ACSM3: variants seen among roughly 807,000 people sequenced by gnomAD.
ACSM3 encodes the protein acyl-CoA synthetase medium chain family member 3.
A neutral mutation model predicts 74.1 loss-of-function variants in ACSM3; 61 were observed. The ratio of observed to expected loss-of-function variants is 0.82; its 90% CI spans 0.67 to 1.02. ACSM3 has a LOEUF of 1.02. Among genes scored for constraint, ACSM3 ranks in the 50% least tolerant of loss-of-function variants. The pLI is 0.00. For missense variants in ACSM3, 660 were observed against 697.0 expected (o/e 0.95, Z 0.60); for synonymous variants, 213 against 241.5 (o/e 0.88, Z 1.09).
At chr16:20,768,563 T>C (rs578015683) in intron 1 of ACSM3, among the ~76,000 whole-genome samples, 1 of 152,262 alleles carries the variant, frequency 6.6e-6, no homozygotes, top group East Asian at 1.9e-4. Flanking sequence ...CTGAGGACAT[T>C]TTAAAAAATA....
rs2152486982 is a variant in ACSM3 at position 20,792,049 on chromosome 16, C to T, written c.1374C>T (p.Ile458=). The T allele has an allele frequency of 6.2e-7, 1 of 1,614,024 alleles. No individual in the cohort carries two copies. Among genetic ancestry groups the T allele is most frequent in the Non-Finnish European group, 8.5e-7 (1 of 1,179,934 alleles). ...TASTLRGNFY[I]TGDRGYMDKD... ...CAACTCTACGAGGCAATTTCTATAT[C>T]ACTGGGGACAGAGGATATATGGATA... The change falls in exon 11 of 14, where the codon ATC becomes ATT. Residue 458 remains isoleucine (I), a synonymous_variant. Coordinates refer to ENST00000289416, the MANE Select transcript of ACSM3 (RefSeq NM_005622.4).
intron 3 of ACSM3, chr16:20,755,629 T>TATTATTATG (rs1397731539): frequency 6.9e-6 from 1 of 145,316 alleles, no homozygotes; most frequent in Admixed American, 6.8e-5. Flanking sequence ...AAGTGCTTTT[T>TATTATTATG]ATTATTATTA....
intron 12 of ACSM3, chr16:20,792,761 C>T: frequency 3.1e-6 from 3 of 968,472 alleles, no homozygotes; most frequent in Non-Finnish European, 3.7e-6. Flanking sequence ...GAACCAGAGG[C>T]TGGAACTGAG....
At chr16:20,711,601 G>A (rs1228517679) in intron 1 of ACSM3, 4 of 1,237,542 alleles carry the variant, frequency 3.2e-6, no homozygotes, top group Non-Finnish European at 4.6e-6. Context: ...CATTGCACTG[G>A]AGTGTCCTGA....
intron 2 of ACSM3, among the ~76,000 whole-genome samples, chr16:20,774,507 CTGGGATTACAG>C (rs2080231906): frequency 6.6e-6 from 1 of 152,168 alleles, no homozygotes; most frequent in African/African-American, 2.4e-5. Flanking sequence ...TCCCAAAGTG[CTGGGATTACAG>C]GCATGAGCCA....
In ACSM3 at chr16:20,741,998, T is replaced by C; in HGVS notation, c.-189-7912T>C. 3 of 1,499,870 alleles carry C rather than the reference T, an allele frequency of 2.0e-6. No individual in the cohort carries two copies. The African/African-American group carries it at 4.1e-5, about 21-fold the overall frequency. 92.9% of individuals were successfully genotyped at this position (1,499,870 alleles called of 1,614,324 possible). On this transcript the variant is annotated intron_variant, in intron 1 of 3. Coordinates refer to the ACSM3 transcript ENST00000561584. Reference sequence around the variant, plus strand: ...CCAGTAGAGGCAGCATAGCAGCCATTCTGGAAGTGGTGTCGGTGGCTCCTC... The same window carrying C: ...CCAGTAGAGGCAGCATAGCAGCCATCCTGGAAGTGGTGTCGGTGGCTCCTC...
chr16:20,698,392 G>A (rs577256548), intron 1 of ACSM3, among the ~76,000 whole-genome samples: 3 of 152,040 alleles, frequency 2.0e-5, no homozygotes, highest in Non-Finnish European at 4.4e-5. Context: ...TAATGGATAA[G>A]AGCCTGGGCT....
At chr16:20,720,261 T>C (rs1156756046) in intron 1 of ACSM3, among the ~76,000 whole-genome samples, 1 of 152,204 alleles carries the variant, frequency 6.6e-6, no homozygotes, top group Non-Finnish European at 1.5e-5. Context: ...CTTACCATAA[T>C]GTAGAATCAG....
upstream of ACSM3, among the ~76,000 whole-genome samples, chr16:20,759,327 G>T (rs1273421159): frequency 1.3e-5 from 2 of 152,188 alleles, no homozygotes; most frequent in African/African-American, 4.8e-5. Context: ...GGAGGCTGAG[G>T]TGGGCGGATC....
chr16:20,795,451 G>A (rs2080702525), intron 12 of ACSM3, among the ~76,000 whole-genome samples: 1 of 152,194 alleles, frequency 6.6e-6, no homozygotes, highest in Non-Finnish European at 1.5e-5. Context: ...GGCTGTCCTG[G>A]TAATTTGTTG....
rs753321212 is a variant in ACSM3 at position 20,781,824 on chromosome 16, A to C, written c.1019+37A>C. 31 of 1,440,364 alleles carry C rather than the reference A, an allele frequency of 2.2e-5. 1 individual carries two copies. The Admixed American group carries it at 5.1e-4, about 24-fold the overall frequency. 89.2% of individuals were successfully genotyped at this position (1,440,364 alleles called of 1,614,324 possible). A position where few individuals can be genotyped will look rare whatever the true frequency, so the allele number is the denominator to read the frequency against. ...TAGTAAATAGGCATCTAGTGGGGAG[A>C]GGGGAGAAGAGGAAGCTATAAAATA... On this transcript the variant is annotated intron_variant, in intron 7 of 13. Coordinates refer to ENST00000289416, the MANE Select transcript of ACSM3 (RefSeq NM_005622.4).
At chr16:20,719,666 T>C (rs1181803849) in intron 1 of ACSM3, among the ~76,000 whole-genome samples, 1 of 152,240 alleles carries the variant, frequency 6.6e-6, no homozygotes, top group African/African-American at 2.4e-5. Context: ...CTTAAGAATC[T>C]GGTTCTAAAT....
chr16:20,695,113 C>T (rs1364258154), intron 1 of ACSM3, among the ~76,000 whole-genome samples: 1 of 152,144 alleles, frequency 6.6e-6, no homozygotes, highest in Non-Finnish European at 1.5e-5. Flanking sequence ...GTTTGTGATT[C>T]TAATTTAATC....
intron 1 of ACSM3, chr16:20,741,937 C>T (rs1250757183): frequency 2.6e-6 from 4 of 1,533,052 alleles, no homozygotes; most frequent in Non-Finnish European, 3.5e-6. Context: ...CGCCCAAGCC[C>T]CGCCTCCTGC....
At chr16:20,732,566 T>C (rs527357571) in intron 1 of ACSM3, among the ~76,000 whole-genome samples, 1 of 152,162 alleles carries the variant, frequency 6.6e-6, no homozygotes, top group Non-Finnish European at 1.5e-5. Flanking sequence ...AGACAAGAAC[T>C]AAGTGTTCTT....
chr16:20,730,682 C>T (rs1345760690), intron 1 of ACSM3, among the ~76,000 whole-genome samples: 1 of 152,142 alleles, frequency 6.6e-6, no homozygotes, highest in Non-Finnish European at 1.5e-5. Context: ...ATGATTTCAG[C>T]TGAAGAGCAG....
At chr16:20,698,949 G>A (rs1284241116) in intron 1 of ACSM3, 1 of 152,226 alleles carries the variant, frequency 6.6e-6, no homozygotes, top group Non-Finnish European at 1.5e-5. Context: ...CATAGTCGAT[G>A]TTGGCTCTTT....
chr16:20,757,414 A>G (rs1257422540), intron 3 of ACSM3, among the ~76,000 whole-genome samples: 1 of 151,500 alleles, frequency 6.6e-6, no homozygotes, highest in African/African-American at 2.4e-5. Flanking sequence ...ATGGGAGTTC[A>G]CTCATGATTT....
In ACSM3 at chr16:20,682,144, G is replaced by A. The variant is rs530706162; in HGVS notation, c.-190+7322G>A. 5 of 999,494 alleles carry A rather than the reference G, an allele frequency of 5.0e-6. No homozygotes were observed. In the Admixed American group the frequency reaches 1.2e-4, roughly 23 times the overall value. 61.9% of individuals were successfully genotyped at this position (999,494 alleles called of 1,614,324 possible). A position where few individuals can be genotyped will look rare whatever the true frequency, so the allele number is the denominator to read the frequency against. ...CTTTGGATGTTAATCTGACTGGGCT[G>A]GTGCACCTAAATAATAAATACATCC... On this transcript the variant is annotated intron_variant, in intron 1 of 3. Coordinates refer to the ACSM3 transcript ENST00000561584.
Sources: gnomAD v4.1 joint callset for allele counts (sites outside exome capture counted in the v4.1 genomes callset) on GRCh38, gnomAD v4.1.1 for gene constraint, MANE v1.5 for transcripts, NCBI Gene and HGNC (gene_info 2026-07-23, HGNC 2026-07-21) for gene names.